Variants in PLCB2 observed in about 807,000 individuals in gnomAD.
The protein encoded by PLCB2 is 1-phosphatidylinositol 4,5-bisphosphate phosphodiesterase beta-2.
A neutral mutation model predicts 141.7 loss-of-function variants in PLCB2; 115 were observed. The observed-to-expected ratio is 0.81, with a 90% confidence interval of 0.70 to 0.95. PLCB2 has a LOEUF of 0.95. PLCB2 is among the 40% of genes least tolerant of loss of function. The pLI, the probability that PLCB2 is intolerant of heterozygous loss-of-function variation, is 0.00. For synonymous variants in PLCB2, 603 were observed against 595.6 expected (o/e 1.01, Z -0.18); for missense variants, 1,403 against 1,541.1 (o/e 0.91, Z 1.50).
chr15:40,306,367 C>T (rs566624719), intron 1 of PLCB2, among the ~76,000 whole-genome samples: 1 of 152,138 alleles, frequency 6.6e-6, no homozygotes, highest in African/African-American at 2.4e-5. Context: ...ACACAGGTGC[C>T]AGCTTAGGAA....
At chr15:40,296,723 C>T in intron 14 of PLCB2, 23 bp downstream of exon 14, 1 of 1,610,208 alleles carries the variant, frequency 6.2e-7, no homozygotes, top group African/African-American at 1.3e-5. Context: ...TAATACCCCC[C>T]ACCATAGTCC....
rs530657156 is a variant in PLCB2 at position 40,306,619 on chromosome 15, C to T, written c.84+970G>A. Among the ~76,000 whole-genome samples the T allele has an allele frequency of 8.5e-5, 13 of 152,294 alleles. No individual in the cohort carries two copies. The East Asian group carries it at 2.5e-3, about 29-fold the overall frequency. The stretch of plus-strand genomic sequence containing the variant: ...AGCATCTCACCACAGGGCCCCAACC[C>T]ATAGTCATGGGCAGCGAGATCCCCT... On this transcript the variant is annotated intron_variant, in intron 1 of 31. Coordinates refer to ENST00000260402, the MANE Select transcript of PLCB2 (RefSeq NM_004573.3).
At chr15:40,286,827 A>G (rs1450125714), downstream of PLCB2, among the ~76,000 whole-genome samples, 1 of 152,222 alleles carries the variant, frequency 6.6e-6, no homozygotes. Flanking sequence ...GGAAGGCCCC[A>G]GTCGGCTATG....
rs375373760 is a variant in PLCB2 at position 40,293,011 on chromosome 15, C to T, written c.2241G>A (p.Glu747=). The change falls in exon 21 of 32, where the codon GAG becomes GAA. Residue 747 remains glutamate (E), a synonymous_variant. Coordinates refer to ENST00000260402, the MANE Select transcript of PLCB2 (RefSeq NM_004573.3). ...TCACAGCCACTCTGAGGGAGGCCAG[C>T]TCAGGCATCAAGATCTGGGGAGAGT... ...PFVFEKILMP[E]LASLRVAVME... is the part of the protein sequence containing the mutation. 5.6e-6 allele frequency: 9 copies of T among 1,600,970 alleles called. No homozygotes were observed. The African/African-American group carries it at 8.1e-5, about 14-fold the overall frequency.
Position 40,290,022 on chromosome 15 carries a change from C to T in PLCB2, c.3267+3G>A, listed in dbSNP as rs1330869359. ...GTTTAGGAAGGACACAGCCCTTACA[C>T]ACCTGCTTGATCACCTGCACTACTT... On this transcript the variant is annotated splice_donor_region_variant and intron_variant, in intron 30 of 31. Transcript: ENST00000260402. 48 of 1,563,328 alleles carry T rather than the reference C, an allele frequency of 3.1e-5. No individual in the cohort carries two copies. Among genetic ancestry groups the T allele is most frequent in the Non-Finnish European group, 4.1e-5 (46 of 1,133,584 alleles).
Position 40,295,028 on chromosome 15 carries a change from G to A in PLCB2, c.1814C>T (p.Pro605Leu), listed in dbSNP as rs945118506. ...YNKRQMSRIY[P>L]KGTRMDSSNY... ...GGAGGAGTCCATGCGGGTTCCCTTGGGGTAAATGCGGCTCATCTGGCGCTT... is the reference window on the plus strand; with the variant it reads ...GGAGGAGTCCATGCGGGTTCCCTTGAGGTAAATGCGGCTCATCTGGCGCTT... The change falls in exon 18 of 32, where the codon CCC (proline) becomes CTC (leucine). Residue 605 changes from proline to leucine, a missense_variant. By Grantham distance (98) the Pro-to-Leu change is moderately conservative. Transcript: ENST00000260402. 6.2e-7 allele frequency: 1 copy of A among 1,613,680 alleles called. No individual in the cohort carries two copies. Among genetic ancestry groups the A allele is most frequent in the South Asian group, 1.1e-5 (1 of 91,082 alleles).
rs745804778 is a variant in PLCB2 at position 40,292,169 on chromosome 15, G to A, written c.2432-11C>T. On this transcript the variant is annotated splice_polypyrimidine_tract_variant and intron_variant, in intron 22 of 31. Coordinates refer to ENST00000260402, the MANE Select transcript of PLCB2 (RefSeq NM_004573.3). ...GGGCCACAGTGAGATCTGGGTGGGT[G>A]CACAGGACATTACAACATAGTGTAT... is the stretch of plus-strand genomic sequence containing the variant. 4.3e-6 allele frequency: 7 copies of A among 1,609,844 alleles called. No individual in the cohort carries two copies. Among genetic ancestry groups the A allele is most frequent in the Non-Finnish European group, 6.0e-6 (7 of 1,176,226 alleles).
At chr15:40,293,835 G>A (rs1023360369) in intron 19 of PLCB2, 111 bp from the exon 20 acceptor site, 75 of 1,067,944 alleles carry the variant, frequency 7.0e-5, no homozygotes, top group Non-Finnish European at 1.0e-4. Context: ...TGGGTGTTAT[G>A]AAGAACCTCA....
Position 40,303,371 on chromosome 15 carries a change from C to T in PLCB2, c.163-15G>A, listed in dbSNP as rs767046620. On this transcript the variant is annotated splice_polypyrimidine_tract_variant and intron_variant, in intron 2 of 31. Transcript: ENST00000260402. ...AACTCCATCTCCTGGGGGCAGGGTGCGGATCCCGGTGGGAGCAAAGAAGGG... is the reference window on the plus strand; with the variant it reads ...AACTCCATCTCCTGGGGGCAGGGTGTGGATCCCGGTGGGAGCAAAGAAGGG... 91 of 1,600,364 alleles carry T rather than the reference C, an allele frequency of 5.7e-5. 1 individual carries two copies. The highest frequency in any genetic ancestry group is 3.7e-4 in the South Asian group (34 of 90,684).
At chr15:40,294,240 G>A (rs759190097) in intron 19 of PLCB2, 26 bp downstream of exon 19, 1 of 1,611,298 alleles carries the variant, frequency 6.2e-7, no homozygotes, top group African/African-American at 1.3e-5. Context: ...CAGCCTCCCG[G>A]CCACTTGTGT....
At chr15:40,285,803 C>G (rs1168073238), downstream of PLCB2, 1 of 985,498 alleles carries the variant, frequency 1.0e-6, no homozygotes, top group Non-Finnish European at 1.2e-6. Context: ...CTCACACCCC[C>G]CCAGGTGGAG....
chr15:40,290,685 A>T lies in PLCB2; in HGVS notation c.3114-13T>A. ...CTCTTTGGTGTCGCTGCAGAGAGAC[A>T]GGCATGAAGGAGCTGTTTTGTGCGG... On this transcript the variant is annotated splice_polypyrimidine_tract_variant and intron_variant, in intron 28 of 31. Transcript: ENST00000260402. 6.2e-7 allele frequency: 1 copy of T among 1,612,908 alleles called. No individual in the cohort carries two copies. The highest frequency in any genetic ancestry group is 8.5e-7 in the Non-Finnish European group (1 of 1,179,030).
intron 22 of PLCB2, 63 bp from the exon 23 acceptor site, chr15:40,292,221 T>C (rs1433932790): frequency 6.6e-7 from 1 of 1,523,510 alleles, no homozygotes; most frequent in Non-Finnish European, 9.1e-7. Flanking sequence ...AAGTCTCCCC[T>C]GTCCTCACCC....
rs753924417 is a variant in PLCB2 at position 40,302,160 on chromosome 15, G to C, written c.482C>G (p.Ser161Cys). ...ILVKLKMQLN[S>C]EGKIPVKNFF... is the part of the protein sequence containing the mutation. ...CTTCTTCACCGGAATCTTCCCTTCA[G>C]AGTTGAGCTGCATCTTGAGCTTCAC... The change falls in exon 6 of 32, where the codon TCT (serine) becomes TGT (cysteine). Residue 161 changes from serine (S) to cysteine (C), a missense_variant. Around this residue, in one of 4 missense-constraint regions of PLCB2, gnomAD observed 975 missense variants for 1,141.1 expected, o/e 0.85. Coordinates refer to ENST00000260402, the MANE Select transcript of PLCB2 (RefSeq NM_004573.3). 3 of 1,611,856 alleles carry C rather than the reference G, an allele frequency of 1.9e-6. No individual in the cohort carries two copies. The highest frequency in any genetic ancestry group is 2.5e-6 in the Non-Finnish European group (3 of 1,178,504).
rs2039670384 is a variant in PLCB2 at position 40,288,512 on chromosome 15, C to A, written c.*203G>T. 7.6e-7 allele frequency: 1 copy of A among 1,309,250 alleles called. No individual in the cohort carries two copies. The allele number at this position is 1,309,250 out of a possible 1,614,324, so 81.1% of individuals were successfully genotyped here. ...AAGTCAGCTTGAGAAGACTTCTAGG[C>A]CCCAGAGAGGCCCTGCCGTGAGGGT... On this transcript the variant is annotated 3_prime_UTR_variant, in exon 32 of 32. Transcript: ENST00000260402.
chr15:40,286,092 A>G (rs2044165596), downstream of PLCB2: 1 of 963,628 alleles, frequency 1.0e-6, no homozygotes, highest in African/African-American at 1.8e-5. Context: ...GAAAAGAAAC[A>G]GCAAAGCTGA....
downstream of PLCB2, chr15:40,285,582 C>T (rs1363038885): frequency 4.1e-6 from 4 of 984,886 alleles, no homozygotes; most frequent in Admixed American, 1.8e-4. Flanking sequence ...TCTGGGGTGG[C>T]CCCCAGGAAT....
In PLCB2 at chr15:40,291,660, C is replaced by T; in HGVS notation, c.2603-10G>A. ...GCCCCGGCCCTGGCTGCTGCAAGAG[C>T]CACGGGCTGGGCTGTCAGGTGCTCT... On this transcript the variant is annotated splice_polypyrimidine_tract_variant and intron_variant, in intron 24 of 31. Transcript: ENST00000260402. The T allele has an allele frequency of 6.2e-7, 1 of 1,612,704 alleles. No homozygotes were observed. The highest frequency in any genetic ancestry group is 8.5e-7 in the Non-Finnish European group (1 of 1,179,594).
chr15:40,298,485 C>G, intron 10 of PLCB2, 77 bp downstream of exon 10: 1 of 1,603,934 alleles, frequency 6.2e-7, no homozygotes. Flanking sequence ...GGGCCAGCAG[C>G]ATGTGGGCAA....
Sources: gnomAD v4.1 joint callset for allele counts (sites outside exome capture counted in the v4.1 genomes callset) on GRCh38, gnomAD v4.1.1 for gene constraint, gnomAD v4.1.1 regional missense constraint, MANE v1.5 for transcripts, NCBI Gene and HGNC (gene_info 2026-07-23, HGNC 2026-07-21) for gene names.